The following GRIP1 variants were observed in gnomAD, a reference collection of about 807,000 sequenced individuals.
GRIP1 encodes the protein glutamate receptor interacting protein 1.
Under a neutral mutation model 129.9 loss-of-function variants are expected in GRIP1, and 45 were observed. The observed-to-expected ratio is 0.35, with a 90% CI of 0.27 to 0.44. The LOEUF (loss-of-function observed/expected upper bound fraction) is 0.44, where lower values mean the gene tolerates loss of function less well. Ranked by LOEUF, GRIP1 falls within the 20% of genes least tolerant of loss-of-function variation. The pLI is 1.00. For missense variants in GRIP1, 1,196 were observed against 1,396.8 expected (o/e 0.86, Z 2.29); for synonymous variants, 530 against 520.8 (o/e 1.02, Z -0.24).
At chr12:66,877,789 T>A (rs1490749279) in intron 1 of GRIP1, among the ~76,000 whole-genome samples, 1 of 152,084 alleles carries the variant, frequency 6.6e-6, no homozygotes, top group Non-Finnish European at 1.5e-5. Context: ...GAAAATGGAA[T>A]GGGACTATGC....
intron 1 of GRIP1, among the ~76,000 whole-genome samples, chr12:66,656,762 A>G (rs1269665598): frequency 3.3e-5 from 5 of 152,246 alleles, no homozygotes; most frequent in African/African-American, 9.6e-5. Flanking sequence ...TTAAATAAAT[A>G]TTAAATGCCT....
At chr12:66,778,029 GAAT>G (rs2038041948) in intron 1 of GRIP1, among the ~76,000 whole-genome samples, 1 of 152,056 alleles carries the variant, frequency 6.6e-6, no homozygotes, top group Admixed American at 6.5e-5. Flanking sequence ...AAATTTTGAA[GAAT>G]AATATAAAGA....
chr12:66,586,759 A>C (rs1182003769), intron 2 of GRIP1, among the ~76,000 whole-genome samples: 7 of 152,024 alleles, frequency 4.6e-5, no homozygotes, highest in Non-Finnish European at 1.0e-4. Flanking sequence ...CTTTCTTCAA[A>C]ATTTGACCAT....
chr12:67,042,453 CAGA>C (rs1248539375), intron 1 of GRIP1, among the ~76,000 whole-genome samples: 3 of 151,858 alleles, frequency 2.0e-5, no homozygotes, highest in Non-Finnish European at 4.4e-5. Context: ...TTTTTTTCAG[CAGA>C]AGGTCAAAGG....
intron 2 of GRIP1, among the ~76,000 whole-genome samples, chr12:66,578,881 T>G (rs2063250355): frequency 6.6e-6 from 1 of 152,184 alleles, no homozygotes; most frequent in South Asian, 2.1e-4. Context: ...TAAATCTCCC[T>G]GTCTGACAGC....
intron 1 of GRIP1, among the ~76,000 whole-genome samples, chr12:66,990,720 C>T (rs1187828471): frequency 1.3e-5 from 2 of 152,144 alleles, no homozygotes; most frequent in Non-Finnish European, 2.9e-5. Context: ...CTTGGCAGGG[C>T]GCGGTGGCTC....
intron 5 of GRIP1, among the ~76,000 whole-genome samples, chr12:66,527,192 T>C (rs377761757): frequency 1.4e-4 from 21 of 149,620 alleles, no homozygotes; most frequent in African/African-American, 4.7e-4. Context: ...ACCCAAAGGA[T>C]TATAAATCAT....
intron 1 of GRIP1, among the ~76,000 whole-genome samples, chr12:66,851,280 G>C (rs1282544858): frequency 6.6e-6 from 1 of 151,860 alleles, no homozygotes; most frequent in Non-Finnish European, 1.5e-5. Context: ...AGGACATCTG[G>C]AAAGTGGAGA....
At chr12:66,363,115 T>TTA (rs147856910) in intron 23 of GRIP1, among the ~76,000 whole-genome samples, 5 of 144,766 alleles carry the variant, frequency 3.5e-5, no homozygotes, top group East Asian at 4.0e-4. Context: ...CCTACTAACT[T>TTA]TATATATATA....
chr12:66,813,242 G>A (rs553900868), intron 1 of GRIP1, among the ~76,000 whole-genome samples: 49 of 152,280 alleles, frequency 3.2e-4, no homozygotes, highest in African/African-American at 1.1e-3. Flanking sequence ...GGAAGCAAGA[G>A]AGAGGAAAAG....
chr12:66,697,925 T>C lies in GRIP1; in HGVS notation c.-419-67589A>G, dbSNP rs192367549. 5.3e-5 allele frequency among the ~76,000 whole-genome samples: 8 copies of C among 152,356 alleles called. No individual in the cohort carries two copies. In the East Asian group the frequency reaches 1.3e-3, roughly 26 times the overall value. On this transcript the variant is annotated intron_variant, in intron 1 of 4. Coordinates refer to the GRIP1 transcript ENST00000538373. ...AAGTGCAACAAGAATAAAAGCTTATTGATCCTCTTGTTATCGATCTGGACC... is the reference window on the plus strand; with the variant it reads ...AAGTGCAACAAGAATAAAAGCTTATCGATCCTCTTGTTATCGATCTGGACC...
chr12:66,716,043 G>A (rs764460596), intron 1 of GRIP1, among the ~76,000 whole-genome samples: 11 of 151,828 alleles, frequency 7.2e-5, no homozygotes, highest in Non-Finnish European at 1.5e-4. Flanking sequence ...TAGGATAACA[G>A]GTATTCTCTT....
At chr12:66,495,320 A>G (rs1745875768) in intron 7 of GRIP1, among the ~76,000 whole-genome samples, 1 of 152,212 alleles carries the variant, frequency 6.6e-6, no homozygotes, top group African/African-American at 2.4e-5. Flanking sequence ...GAGAAGGGCG[A>G]GCAGGAGGGA....
At chr12:66,805,217 G>A (rs2038965144), upstream of GRIP1, among the ~76,000 whole-genome samples, 1 of 152,098 alleles carries the variant, frequency 6.6e-6, no homozygotes, top group Admixed American at 6.5e-5. Flanking sequence ...TCTTGGTGAA[G>A]ACAGTGGAAA....
chr12:67,047,188 G>T (rs2043266669), intron 1 of GRIP1, among the ~76,000 whole-genome samples: 1 of 152,128 alleles, frequency 6.6e-6, no homozygotes, highest in African/African-American at 2.4e-5. Flanking sequence ...ATATTAAATT[G>T]TCATGGTTGC....
intron 1 of GRIP1, among the ~76,000 whole-genome samples, chr12:66,951,660 C>T (rs2041759941): frequency 6.6e-6 from 1 of 152,220 alleles, no homozygotes. Context: ...GGAGATTATT[C>T]TAGTCCCTAA....
chr12:66,843,419 T>C (rs2039756030), intron 1 of GRIP1, among the ~76,000 whole-genome samples: 1 of 152,132 alleles, frequency 6.6e-6, no homozygotes. Context: ...TTCTTTGATA[T>C]TCCATATGAA....
intron 23 of GRIP1, among the ~76,000 whole-genome samples, chr12:66,360,182 T>C (rs539596391): frequency 1.7e-5 from 2 of 119,250 alleles, no homozygotes; most frequent in South Asian, 2.7e-4. Flanking sequence ...AATCATGATT[T>C]TTTTTTTTTT....
At chr12:66,808,224 G>T (rs1005559413), upstream of GRIP1, among the ~76,000 whole-genome samples, 1 of 152,114 alleles carries the variant, frequency 6.6e-6, no homozygotes, top group African/African-American at 2.4e-5. Context: ...GCAGTTCACA[G>T]AATGGCAGTT....
Sources: gnomAD v4.1 joint callset for allele counts (sites outside exome capture counted in the v4.1 genomes callset) on GRCh38, gnomAD v4.1.1 for gene constraint, MANE v1.5 for transcripts, NCBI Gene and HGNC (gene_info 2026-07-23, HGNC 2026-07-21) for gene names.